The following IL1RAPL2 variants were observed in gnomAD, a reference collection of about 807,000 sequenced individuals.
IL1RAPL2 encodes interleukin 1 receptor accessory protein like 2.
Under a neutral mutation model 44.1 loss-of-function variants are expected in IL1RAPL2, and 3 were observed. That is an observed-to-expected ratio of 0.07 (90% CI 0.03 to 0.18). The LOEUF (loss-of-function observed/expected upper bound fraction) is 0.18, where lower values mean the gene tolerates loss of function less well. Among genes scored for constraint, IL1RAPL2 ranks in the 10% least tolerant of loss-of-function variants. The pLI is 1.00. For synonymous variants in IL1RAPL2, 181 were observed against 178.8 expected, an observed-to-expected ratio of 1.01 and a Z score of -0.10; for missense variants, 391 against 496.4, an observed-to-expected ratio of 0.79 and a Z score of 2.02.
intron 5 of IL1RAPL2, among the ~76,000 whole-genome samples, chrX:105,426,809 G>T (rs1241534584): frequency 1.8e-5 from 2 of 111,525 alleles, no homozygotes; most frequent in African/African-American, 3.3e-5. Flanking sequence ...CCATCCTGAG[G>T]TCTGGTGTTT....
At chrX:104,917,596 A>C (rs1924496929) in intron 2 of IL1RAPL2, among the ~76,000 whole-genome samples, 2 of 111,987 alleles carry the variant, frequency 1.8e-5, no homozygotes, top group African/African-American at 6.5e-5. Flanking sequence ...TGGACCAGGC[A>C]AAAACAACCT....
Position 104,905,953 on chromosome X carries a change from ATTTG to A in IL1RAPL2, c.82+246964_82+246967del, listed in dbSNP as rs1333767859. On this transcript the variant is annotated intron_variant, in intron 2 of 10. Transcript: ENST00000372582. ...ACCCGTGAACATGGAATATTCTTCCATTTGTTTGTATCCTCTTTTATTTCCTTGA... is the reference window on the plus strand; with the variant it reads ...ACCCGTGAACATGGAATATTCTTCCATTTGTATCCTCTTTTATTTCCTTGA... Among the ~76,000 whole-genome samples, 6 of 109,731 alleles carry A rather than the reference ATTTG, an allele frequency of 5.5e-5. No homozygotes were observed. In the Admixed American group the frequency reaches 5.8e-4, roughly 11 times the overall value.
intron 6 of IL1RAPL2, among the ~76,000 whole-genome samples, chrX:105,700,693 T>G (rs2038112756): frequency 9.0e-6 from 1 of 111,232 alleles, no homozygotes; most frequent in South Asian, 3.7e-4. Flanking sequence ...TTTCTTTGAT[T>G]TATTATTGGT....
At chrX:104,880,092 A>G (rs922014164) in intron 2 of IL1RAPL2, among the ~76,000 whole-genome samples, 2 of 110,430 alleles carry the variant, frequency 1.8e-5, no homozygotes, top group African/African-American at 6.6e-5. Context: ...TTTATCTGCT[A>G]CTCTTTACTT....
At chrX:104,954,173 A>T (rs1471663285) in intron 2 of IL1RAPL2, among the ~76,000 whole-genome samples, 4 of 112,491 alleles carry the variant, frequency 3.6e-5, no homozygotes, top group African/African-American at 1.3e-4. Flanking sequence ...AAAGCACTCC[A>T]TAGATAAAGC....
At chrX:104,622,767 A>G (rs1929424749) in intron 1 of IL1RAPL2, among the ~76,000 whole-genome samples, 1 of 112,159 alleles carries the variant, frequency 8.9e-6, no homozygotes, top group Non-Finnish European at 1.9e-5. Flanking sequence ...GAGGTTGCTT[A>G]TGGGGTACCA....
chrX:104,912,562 C>G (rs1924277733), intron 2 of IL1RAPL2, among the ~76,000 whole-genome samples: 1 of 111,355 alleles, frequency 9.0e-6, no homozygotes, highest in Admixed American at 9.6e-5. Context: ...TTGTAGCTTT[C>G]CAATAGTGAC....
intron 6 of IL1RAPL2, among the ~76,000 whole-genome samples, chrX:105,578,138 T>A (rs1191324324): frequency 9.4e-6 from 1 of 106,729 alleles, no homozygotes; most frequent in African/African-American, 3.4e-5. Flanking sequence ...GGTGTTTGGT[T>A]TTTTGTCCAA....
At chrX:105,480,296 A>G in intron 5 of IL1RAPL2, among the ~76,000 whole-genome samples, 1 of 112,282 alleles carries the variant, frequency 8.9e-6, no homozygotes, top group Non-Finnish European at 1.9e-5. Flanking sequence ...ATCATTGCCT[A>G]TCATGGAAAA....
At chrX:105,241,269 AAT>A (rs1379030271) in intron 4 of IL1RAPL2, among the ~76,000 whole-genome samples, 21 of 111,287 alleles carry the variant, frequency 1.9e-4, no homozygotes, top group African/African-American at 2.9e-4. Flanking sequence ...GATATTATGA[AAT>A]AGAATTCCAT....
rs1008913750 is a variant in IL1RAPL2, at chrX:105,370,672, G to A, written c.697+103131G>A. On this transcript the variant is annotated intron_variant, in intron 5 of 10. Transcript: ENST00000372582. ...TTCCATGTCTTTGCTCTTGTGAACAGTGCTGCAATGAACATATACATGCAT... is the reference window on the plus strand; with the variant it reads ...TTCCATGTCTTTGCTCTTGTGAACAATGCTGCAATGAACATATACATGCAT... Among the ~76,000 whole-genome samples the A allele has an allele frequency of 2.7e-5, 3 of 111,967 alleles. No homozygotes were observed. In the Admixed American group the frequency reaches 2.8e-4, roughly 11 times the overall value.
intron 2 of IL1RAPL2, among the ~76,000 whole-genome samples, chrX:105,035,008 G>T (rs1326899946): frequency 1.9e-5 from 1 of 52,240 alleles, no homozygotes; most frequent in Non-Finnish European, 3.3e-5. Context: ...CTAGCAATCA[G>T]CGAGACACTG....
chrX:104,833,823 A>G lies in IL1RAPL2; in HGVS notation c.82+174828A>G, dbSNP rs182096072. Among the ~76,000 whole-genome samples, 185 of 112,578 alleles carry G rather than the reference A, an allele frequency of 1.6e-3. 1 individual carries two copies. The highest frequency in any genetic ancestry group is 5.4e-3 in the African/African-American group (168 of 31,077). On this transcript the variant is annotated intron_variant, in intron 2 of 10. Transcript: ENST00000372582. ...GGAGAGCCAAATCAATGTAAAAAGGAGAAGAAATCTATGAAGTTAAGAATC... is the reference window on the plus strand; with the variant it reads ...GGAGAGCCAAATCAATGTAAAAAGGGGAAGAAATCTATGAAGTTAAGAATC...
At chrX:104,855,857 A>G (rs978130948) in intron 2 of IL1RAPL2, among the ~76,000 whole-genome samples, 2 of 108,007 alleles carry the variant, frequency 1.9e-5, no homozygotes, top group African/African-American at 6.7e-5. Context: ...TTTAGCACAG[A>G]GGACGTCTCA....
At chrX:105,158,535 T>C (rs1011972673) in intron 2 of IL1RAPL2, among the ~76,000 whole-genome samples, 1 of 111,954 alleles carries the variant, frequency 8.9e-6, no homozygotes, top group African/African-American at 3.2e-5. Flanking sequence ...TGAGTTATTT[T>C]TTATTTCTCT....
At chrX:105,116,622 C>G (rs769158244) in intron 2 of IL1RAPL2, among the ~76,000 whole-genome samples, 9 of 112,037 alleles carry the variant, frequency 8.0e-5, no homozygotes, top group Non-Finnish European at 1.5e-4. Context: ...TGTGGCTCAT[C>G]CATAGAGCAG....
chrX:105,326,506 G>A (rs995077033), intron 5 of IL1RAPL2, among the ~76,000 whole-genome samples: 3 of 111,242 alleles, frequency 2.7e-5, no homozygotes, highest in Non-Finnish European at 5.7e-5. Context: ...ACAAAGATTT[G>A]CTCCAATGTT....
intron 2 of IL1RAPL2, among the ~76,000 whole-genome samples, chrX:104,843,568 T>C (rs2147636863): frequency 9.0e-6 from 1 of 110,906 alleles, no homozygotes; most frequent in South Asian, 3.9e-4. Context: ...GATCTGCAGA[T>C]TGCAAAAATC....
At chrX:104,946,490 A>C (rs1250468173) in intron 2 of IL1RAPL2, among the ~76,000 whole-genome samples, 1 of 97,412 alleles carries the variant, frequency 1.0e-5, no homozygotes, top group Non-Finnish European at 2.0e-5. Context: ...ATGTATACAT[A>C]TGCCATGCTG....
Sources: allele counts gnomAD v4.1 joint callset (sites outside exome capture counted in the v4.1 genomes callset), GRCh38; gene constraint gnomAD v4.1.1; transcripts MANE v1.5; gene names NCBI Gene and HGNC (gene_info 2026-07-23, HGNC 2026-07-21).